The following RBFOX1 variants were observed in gnomAD, a reference collection of about 807,000 sequenced individuals.
RBFOX1 encodes RNA binding fox-1 homolog 1.
A neutral mutation model predicts 57.7 loss-of-function variants in RBFOX1; 8 were observed. That is an observed-to-expected ratio of 0.14 (90% CI 0.08 to 0.25). The LOEUF is 0.25. Ranked by LOEUF, RBFOX1 falls within the 10% of genes least tolerant of loss-of-function variation. RBFOX1 has a pLI of 1.00. For missense variants in RBFOX1, 611 were observed against 548.5 expected (o/e 1.11, Z -1.14); for synonymous variants, 326 against 222.4 (o/e 1.47, Z -4.15).
chr16:6,479,933 C>G (rs571506856), intron 2 of RBFOX1, among the ~76,000 whole-genome samples: 28 of 151,884 alleles, frequency 1.8e-4, no homozygotes, highest in African/African-American at 4.8e-4. Flanking sequence ...TACCTATGAT[C>G]TCAGCTACTC....
chr16:6,005,753 G>C (rs960742189), intron 4 of RBFOX1, among the ~76,000 whole-genome samples: 1 of 152,192 alleles, frequency 6.6e-6, no homozygotes, highest in Non-Finnish European at 1.5e-5. Flanking sequence ...TACACAATTT[G>C]TTAGGAAAAG....
chr16:5,588,182 C>T (rs1028816373), intron 2 of RBFOX1, among the ~76,000 whole-genome samples: 30 of 151,820 alleles, frequency 2.0e-4, no homozygotes, highest in African/African-American at 5.8e-4. Context: ...GAAAGTAGAT[C>T]GGTGATTGCT....
intron 4 of RBFOX1, among the ~76,000 whole-genome samples, chr16:7,343,488 G>A (rs2096936438): frequency 1.3e-5 from 2 of 152,162 alleles, no homozygotes; most frequent in South Asian, 4.1e-4. Context: ...AAGGGCTAGA[G>A]GAGCTGCCCT....
intron 3 of RBFOX1, among the ~76,000 whole-genome samples, chr16:6,672,375 AAG>A (rs749022718): frequency 2.0e-5 from 3 of 151,064 alleles, no homozygotes; most frequent in African/African-American, 4.9e-5. Flanking sequence ...AAGAGGGAGA[AAG>A]AGAGAGAGAA....
intron 2 of RBFOX1, among the ~76,000 whole-genome samples, chr16:6,637,621 A>G (rs906571429): frequency 3.7e-5 from 3 of 81,214 alleles, no homozygotes; most frequent in Non-Finnish European, 8.9e-5. Context: ...ATTTAACTTG[A>G]AAAGGTTGAA....
At chr16:6,125,216 C>A (rs1191972195) in intron 1 of RBFOX1, among the ~76,000 whole-genome samples, 1 of 152,162 alleles carries the variant, frequency 6.6e-6, no homozygotes, top group Non-Finnish European at 1.5e-5. Flanking sequence ...GCCCCCAAAT[C>A]CTTAAGTTCC....
At chr16:7,002,660 C>G (rs906979063) in intron 3 of RBFOX1, among the ~76,000 whole-genome samples, 1 of 151,996 alleles carries the variant, frequency 6.6e-6, no homozygotes, top group Non-Finnish European at 1.5e-5. Flanking sequence ...TGCAGGGAGC[C>G]GAGATTGCGC....
chr16:6,843,258 C>G (rs961117203), intron 3 of RBFOX1, among the ~76,000 whole-genome samples: 1 of 151,954 alleles, frequency 6.6e-6, no homozygotes, highest in African/African-American at 2.4e-5. Flanking sequence ...AGTTGGACAG[C>G]AGTATCAAGT....
intron 3 of RBFOX1, among the ~76,000 whole-genome samples, chr16:5,826,701 T>C (rs2151816602): frequency 6.6e-6 from 1 of 152,378 alleles, no homozygotes; most frequent in African/African-American, 2.4e-5. Flanking sequence ...TGTGTTTTGT[T>C]ATTTAACATA....
chr16:5,834,702 G>GATAC (rs2056397169), intron 3 of RBFOX1, among the ~76,000 whole-genome samples: 1 of 123,668 alleles, frequency 8.1e-6, no homozygotes, highest in Admixed American at 7.9e-5. Context: ...TAGATAGATA[G>GATAC]ATAGATAGAT....
chr16:7,670,549 C>T (rs559758877), intron 13 of RBFOX1, among the ~76,000 whole-genome samples: 2 of 151,908 alleles, frequency 1.3e-5, no homozygotes, highest in Non-Finnish European at 2.9e-5. Flanking sequence ...GGTGGTTAGA[C>T]CACTGAGAAT....
intron 3 of RBFOX1, among the ~76,000 whole-genome samples, chr16:6,814,269 C>T (rs1396760757): frequency 2.0e-5 from 3 of 151,638 alleles, no homozygotes; most frequent in South Asian, 2.1e-4. Context: ...GGGAGGAGGT[C>T]TAAGAGAGTC....
At chr16:7,322,116 C>T (rs968789321) in intron 4 of RBFOX1, among the ~76,000 whole-genome samples, 3 of 152,232 alleles carry the variant, frequency 2.0e-5, no homozygotes, top group African/African-American at 7.2e-5. Flanking sequence ...ATTCATTGGT[C>T]TGATAACATA....
intron 3 of RBFOX1, among the ~76,000 whole-genome samples, chr16:6,662,953 G>T (rs1422878763): frequency 6.6e-6 from 1 of 152,218 alleles, no homozygotes; most frequent in South Asian, 2.1e-4. Context: ...TAAAAATTGT[G>T]AGTATGGATC....
chr16:6,803,130 G>T (rs922046144), intron 3 of RBFOX1, among the ~76,000 whole-genome samples: 1 of 150,290 alleles, frequency 6.7e-6, no homozygotes, highest in African/African-American at 2.5e-5. Context: ...GCTAGACCAT[G>T]CCTTGATTTT....
At position 5,336,251 on chromosome 16, in the gene RBFOX1, A is replaced by G. The variant is rs35172454; in HGVS notation, c.219+96146A>G. 1.9e-3 allele frequency among the ~76,000 whole-genome samples: 288 copies of G among 152,278 alleles called. 5 individuals are homozygous for G. Among genetic ancestry groups the G allele is most frequent in the Non-Finnish European group, 1.5e-4 (10 of 68,018 alleles). ...TGGCACTGAGACCCTAGAAACGGGC[A>G]CATATTAGGGAGGCTGGTTCATTTC... On this transcript the variant is annotated intron_variant, in intron 1 of 2. Transcript: ENST00000585867.
chr16:7,473,481 A>G lies in RBFOX1; in HGVS notation c.28-44666A>G, dbSNP rs150906344. Among the ~76,000 whole-genome samples, 456 of 148,160 alleles carry G rather than the reference A, an allele frequency of 3.1e-3. 4 individuals are homozygous for G. The highest frequency in any genetic ancestry group is 0.011 in the African/African-American group (430 of 40,826). On this transcript the variant is annotated intron_variant, in intron 4 of 15. Transcript: ENST00000550418. ...TCAAGGTCCTTTATACATAATATAT[A>G]TGTATATATGTTTATATATGTACAT...
intron 3 of RBFOX1, among the ~76,000 whole-genome samples, chr16:5,718,509 T>C (rs1328175551): frequency 6.6e-6 from 1 of 152,346 alleles, no homozygotes; most frequent in South Asian, 2.1e-4. Flanking sequence ...TGGGCTATTG[T>C]GAAATACAAG....
rs142677974 is a variant in RBFOX1, at chr16:6,077,792, C to T, written c.-127+57800C>T. Among the ~76,000 whole-genome samples the T allele has an allele frequency of 3.7e-3, 565 of 152,058 alleles. 9 individuals are homozygous for T. The East Asian group carries it at 0.041, about 11-fold the overall frequency. On this transcript the variant is annotated intron_variant, in intron 1 of 15. Transcript: ENST00000550418. ...AGTACAGTGGTGCAGTCATAGCTCA[C>T]TGCAGCCTCGACCTCCTGGCCTCAA...
Sources: gnomAD v4.1 joint callset for allele counts (sites outside exome capture counted in the v4.1 genomes callset) on GRCh38, gnomAD v4.1.1 for gene constraint, MANE v1.5 for transcripts, NCBI Gene and HGNC (gene_info 2026-07-23, HGNC 2026-07-21) for gene names.